Variants in SPOCK3 observed in about 807,000 individuals in gnomAD.
The protein encoded by SPOCK3 is testican-3.
SPOCK3 carries 30 observed loss-of-function variants against 56.6 expected under a neutral mutation model. That is an observed-to-expected ratio of 0.53 (90% CI 0.40 to 0.72). SPOCK3 has a LOEUF of 0.72. Ranked by LOEUF, SPOCK3 falls within the 30% of genes least tolerant of loss-of-function variation. The probability of loss-of-function intolerance (pLI) is 0.00; values close to 1 mark genes in which losing one functional copy is unlikely to be tolerated. For missense variants in SPOCK3, 527 were observed against 530.0 expected (o/e 0.99, Z 0.06); for synonymous variants, 196 against 183.3 (o/e 1.07, Z -0.56).
At chr4:167,160,975 T>C (rs2150439580) in intron 2 of SPOCK3, among the ~76,000 whole-genome samples, 1 of 152,202 alleles carries the variant, frequency 6.6e-6, no homozygotes, top group African/African-American at 2.4e-5. Flanking sequence ...ATTCAGGACA[T>C]AGGCATGGGC....
At chr4:166,966,405 C>T (rs1277912368) in intron 4 of SPOCK3, among the ~76,000 whole-genome samples, 1 of 152,094 alleles carries the variant, frequency 6.6e-6, no homozygotes, top group Non-Finnish European at 1.5e-5. Flanking sequence ...CCAGTTCTGT[C>T]TTCAGCTCAA....
intron 6 of SPOCK3, among the ~76,000 whole-genome samples, chr4:166,888,097 T>A (rs1734393552): frequency 6.6e-6 from 1 of 152,122 alleles, no homozygotes; most frequent in Non-Finnish European, 1.5e-5. Context: ...CCAATATAAG[T>A]GGCATAACTG....
chr4:167,011,451 C>T (rs920224695), intron 3 of SPOCK3: 1 of 182,954 alleles, frequency 5.5e-6, no homozygotes, highest in Non-Finnish European at 1.2e-5. Context: ...TTGTTACTTT[C>T]CTCCACCAAA....
chr4:166,860,897 T>C (rs1359390938), intron 6 of SPOCK3, among the ~76,000 whole-genome samples: 1 of 147,744 alleles, frequency 6.8e-6, no homozygotes, highest in African/African-American at 2.5e-5. Flanking sequence ...TAATGTGGGT[T>C]TGGTGATTCT....
chr4:167,054,972 G>A (rs10010405), intron 3 of SPOCK3, among the ~76,000 whole-genome samples: 47,952 of 151,970 alleles, frequency 0.32, 9,646 homozygotes, highest in African/African-American at 0.57. Context: ...ATAAAATATT[G>A]ATTAACATTT....
chr4:166,980,415 C>T (rs1326704951), intron 4 of SPOCK3, among the ~76,000 whole-genome samples: 1 of 152,210 alleles, frequency 6.6e-6, no homozygotes, highest in Non-Finnish European at 1.5e-5. Flanking sequence ...GTCACAGGAT[C>T]CTTTGGGTGT....
chr4:166,916,012 T>C (rs951537527), intron 4 of SPOCK3, among the ~76,000 whole-genome samples: 2 of 152,108 alleles, frequency 1.3e-5, no homozygotes, highest in Non-Finnish European at 2.9e-5. Context: ...GACAATTATT[T>C]TTTCAAAAAA....
intron 2 of SPOCK3, among the ~76,000 whole-genome samples, chr4:167,207,109 T>A (rs1734420786): frequency 1.3e-5 from 2 of 152,032 alleles, no homozygotes; most frequent in Admixed American, 1.3e-4. Context: ...TAAATTAAAT[T>A]TTATAAAAAT....
At chr4:166,893,953 TA>T (rs1560981255) in intron 5 of SPOCK3, among the ~76,000 whole-genome samples, 2 of 152,108 alleles carry the variant, frequency 1.3e-5, no homozygotes, top group Non-Finnish European at 2.9e-5. Flanking sequence ...CATTCAAACA[TA>T]ACCACAGGAG....
rs749428617 is a variant in SPOCK3 at position 166,987,651 on chromosome 4, CAAT to C, written c.350+12695_350+12697del. Among the ~76,000 whole-genome samples the C allele has an allele frequency of 4.6e-5, 7 of 152,188 alleles. No individual in the cohort carries two copies. The South Asian group carries it at 1.0e-3, about 23-fold the overall frequency. ...TCTCAAGTTATAACAAAAAACTAGA[CAAT>C]AAATTTGGCAACATAGAAGTTACCA... On this transcript the variant is annotated intron_variant, in intron 4 of 10. Transcript: ENST00000357545.
chr4:167,128,850 A>C (rs1762491680), intron 2 of SPOCK3, among the ~76,000 whole-genome samples: 1 of 152,082 alleles, frequency 6.6e-6, no homozygotes. Context: ...ATCCATTCCC[A>C]ACAGTCTCCC....
intron 3 of SPOCK3, among the ~76,000 whole-genome samples, chr4:167,001,893 T>C (rs1190341147): frequency 1.3e-5 from 2 of 152,224 alleles, no homozygotes; most frequent in East Asian, 1.9e-4. Flanking sequence ...TTCTTAAGCA[T>C]ATTTAGTCAA....
Position 167,207,081 on chromosome 4 carries a change from C to T in SPOCK3, c.189+26904G>A, listed in dbSNP as rs142981776. ...ACCCTATAAACGTGCACAACTATTACGTGTCAACTATAAAAATTAAATTAA... is the reference window on the plus strand; with the variant it reads ...ACCCTATAAACGTGCACAACTATTATGTGTCAACTATAAAAATTAAATTAA... On this transcript the variant is annotated intron_variant, in intron 2 of 10. Transcript: ENST00000357545. 7.6e-4 allele frequency among the ~76,000 whole-genome samples: 116 copies of T among 152,078 alleles called. No individual in the cohort carries two copies. In the East Asian group the frequency reaches 9.1e-3, roughly 12 times the overall value.
chr4:167,139,089 G>A (rs1360608076), intron 2 of SPOCK3, among the ~76,000 whole-genome samples: 1 of 151,910 alleles, frequency 6.6e-6, no homozygotes, highest in Non-Finnish European at 1.5e-5. Context: ...TTTTCTCTGT[G>A]ATATGAAGGG....
intron 2 of SPOCK3, among the ~76,000 whole-genome samples, chr4:167,219,025 C>A (rs1212287783): frequency 6.6e-6 from 1 of 152,022 alleles, no homozygotes; most frequent in African/African-American, 2.4e-5. Context: ...TATAACATCT[C>A]AACTCCAAAA....
At chr4:167,193,974 G>A (rs778695038) in intron 2 of SPOCK3, among the ~76,000 whole-genome samples, 4 of 151,966 alleles carry the variant, frequency 2.6e-5, no homozygotes, top group South Asian at 2.1e-4. Context: ...CTCTCTTCTC[G>A]TTCTGAAAAT....
At chr4:166,835,789 C>A (rs764315815) in intron 6 of SPOCK3, among the ~76,000 whole-genome samples, 1 of 152,078 alleles carries the variant, frequency 6.6e-6, no homozygotes, top group Non-Finnish European at 1.5e-5. Context: ...CACCTGAGAT[C>A]GGGAGTTCGA....
At chr4:166,952,937 G>A (rs142185500) in intron 4 of SPOCK3, among the ~76,000 whole-genome samples, 19,944 of 145,910 alleles carry the variant, frequency 0.14, 1,817 homozygotes, top group African/African-American at 0.29. Flanking sequence ...ATCAATTCAA[G>A]ATGGATTAAA....
intron 2 of SPOCK3, among the ~76,000 whole-genome samples, chr4:167,169,298 G>A (rs1425673078): frequency 1.3e-5 from 2 of 152,184 alleles, no homozygotes; most frequent in Admixed American, 6.5e-5. Context: ...GACATTCAAT[G>A]CCAGACTGTG....
Sources: allele counts gnomAD v4.1 joint callset (sites outside exome capture counted in the v4.1 genomes callset), GRCh38; gene constraint gnomAD v4.1.1; transcripts MANE v1.5; gene names NCBI Gene and HGNC (gene_info 2026-07-23, HGNC 2026-07-21).